The following SKA3 variants were observed in gnomAD, a reference collection of about 807,000 sequenced individuals.
SKA3 encodes the protein spindle and kinetochore associated complex subunit 3.
Under a neutral mutation model 44.2 loss-of-function variants are expected in SKA3, and 39 were observed. That is an observed-to-expected ratio of 0.88 (90% CI 0.68 to 1.15). The LOEUF is 1.15. SKA3 is among the 50% of genes most tolerant of loss of function. The pLI, the probability that SKA3 is intolerant of heterozygous loss-of-function variation, is 0.00. For missense variants in SKA3, 511 were observed against 485.8 expected (o/e 1.05, Z -0.49); for synonymous variants, 192 against 172.0 (o/e 1.12, Z -0.91).
Position 21,157,986 on chromosome 13 carries a change from T to A in SKA3, c.1055A>T (p.Tyr352Phe). Residue 352 changes from tyrosine to phenylalanine, a missense_variant, in exon 7 of 9, where the codon TAT becomes TTT. Coordinates refer to ENST00000314759, the MANE Select transcript of SKA3 (RefSeq NM_145061.6). ...TDPSSPTISS[Y>F]ENLLRTPTPP... Reference sequence around the variant, plus strand: ...TGTAGGTGTTCTGAGCAGATTCTCATAAGAAGAAATCGTAGGTGAAGAGGG... The same window carrying A: ...TGTAGGTGTTCTGAGCAGATTCTCAAAAGAAGAAATCGTAGGTGAAGAGGG... The A allele has an allele frequency of 6.2e-7, 1 of 1,613,384 alleles. No homozygotes were observed. Among genetic ancestry groups the A allele is most frequent in the South Asian group, 1.1e-5 (1 of 91,058 alleles).
In SKA3 at chr13:21,153,808, G is replaced by C. The variant is rs1157890721; in HGVS notation, c.*1342C>G. On this transcript the variant is annotated 3_prime_UTR_variant, in exon 9 of 9. Transcript: ENST00000314759. ...CCTAAGCAGCTCATCCGGTTCTGTG[G>C]ATTTATATACACACGGTACACAGTG... 2 of 152,202 alleles carry C rather than the reference G, an allele frequency of 1.3e-5. No homozygotes were observed. The highest frequency in any genetic ancestry group is 4.8e-5 in the African/African-American group (2 of 41,422). 9.4% of individuals were successfully genotyped at this position (152,202 alleles called of 1,614,324 possible). A position where few individuals can be genotyped will look rare whatever the true frequency, so the allele number is the denominator to read the frequency against.
chr13:21,176,514 G>A lies in SKA3; in HGVS notation c.-37C>T. 7.1e-7 allele frequency: 1 copy of A among 1,407,504 alleles called. No homozygotes were observed. The highest frequency in any genetic ancestry group is 1.4e-5 in the South Asian group (1 of 69,290). 87.2% of individuals were successfully genotyped at this position (1,407,504 alleles called of 1,614,324 possible). A position where few individuals can be genotyped will look rare whatever the true frequency, so the allele number is the denominator to read the frequency against. ...CGGGGAAGGACTCCAGGCGTACGCAGACCCCACCGCTCAGCTCACAGCCTC... is the reference window on the plus strand; with the variant it reads ...CGGGGAAGGACTCCAGGCGTACGCAAACCCCACCGCTCAGCTCACAGCCTC... On this transcript the variant is annotated 5_prime_UTR_variant, in exon 1 of 9. Coordinates refer to ENST00000314759, the MANE Select transcript of SKA3 (RefSeq NM_145061.6).
At position 21,155,016 on chromosome 13, in the gene SKA3, G is replaced by A; in HGVS notation, c.*134C>T. 1 of 1,403,170 alleles carries A rather than the reference G, an allele frequency of 7.1e-7. No individual in the cohort carries two copies. Among genetic ancestry groups the A allele is most frequent in the Non-Finnish European group, 9.9e-7 (1 of 1,011,152 alleles). The allele number at this position is 1,403,170 out of a possible 1,614,324, so 86.9% of individuals were successfully genotyped here. ...ATAAAAAGCATATTATGATGTTAAT[G>A]TTCATGTTTGTCTTTAAAATGGGTC... On this transcript the variant is annotated 3_prime_UTR_variant, in exon 9 of 9. Transcript: ENST00000314759.
chr13:21,170,130 G>A (rs1820765399), intron 3 of SKA3, among the ~76,000 whole-genome samples: 1 of 151,508 alleles, frequency 6.6e-6, no homozygotes, highest in South Asian at 2.1e-4. Context: ...AAAATAATAG[G>A]AGAGCACTTC....
chr13:21,157,420 G>A (rs1308712172), intron 7 of SKA3, among the ~76,000 whole-genome samples: 4 of 152,176 alleles, frequency 2.6e-5, no homozygotes, highest in Non-Finnish European at 4.4e-5. Flanking sequence ...TAACTGTCCT[G>A]AATAGTGCAG....
In SKA3 at chr13:21,159,958, G is replaced by T. The variant is rs1385533563; in HGVS notation, c.859C>A (p.Pro287Thr). Reference protein sequence around the residue: ...DAEYTNSPLVPTFCTPGLKIP... With the variant: ...DAEYTNSPLVTTFCTPGLKIP... ...TTCAAACCAGGAGTACAGAATGTAG[G>T]TACCAAAGGAGAGTTGGTATATTCG... Residue 287 changes from proline (P) to threonine (T), a missense_variant, in exon 6 of 9, where the codon CCT (proline) becomes ACT (threonine). Physicochemically the swap from Pro to Thr is conservative, Grantham distance 38. Coordinates refer to ENST00000314759, the MANE Select transcript of SKA3 (RefSeq NM_145061.6). 1 of 1,607,408 alleles carries T rather than the reference G, an allele frequency of 6.2e-7. No homozygotes were observed. Among genetic ancestry groups the T allele is most frequent in the East Asian group, 2.3e-5 (1 of 44,430 alleles).
At chr13:21,175,282 CT>C (rs1023637210) in intron 1 of SKA3, among the ~76,000 whole-genome samples, 1 of 147,722 alleles carries the variant, frequency 6.8e-6, no homozygotes, top group Non-Finnish European at 1.5e-5. Flanking sequence ...ACGGCCAAAT[CT>C]TTTTTTCTTT....
chr13:21,171,619 A>AT (rs1467575028), intron 3 of SKA3, among the ~76,000 whole-genome samples: 1 of 152,208 alleles, frequency 6.6e-6, no homozygotes, highest in Middle Eastern at 3.4e-3. Context: ...AGGTATGGGC[A>AT]TAACAGTAAC....
intron 1 of SKA3, among the ~76,000 whole-genome samples, chr13:21,175,774 TA>T (rs1170075483): frequency 6.6e-6 from 1 of 152,228 alleles, no homozygotes; most frequent in African/African-American, 2.4e-5. Flanking sequence ...TATATACACA[TA>T]TTTTTTTAAA....
chr13:21,161,604 C>T (rs539804844), intron 5 of SKA3, among the ~76,000 whole-genome samples, 186 bp downstream of exon 5: 50 of 152,242 alleles, frequency 3.3e-4, no homozygotes, highest in African/African-American at 1.2e-3. Flanking sequence ...GTATTAAAAA[C>T]ATACCAGAAA....
In SKA3 at chr13:21,154,824, A is replaced by G; in HGVS notation, c.*326T>C. The G allele has an allele frequency of 2.2e-6, 1 of 453,424 alleles. No homozygotes were observed. Among genetic ancestry groups the G allele is most frequent in the South Asian group, 2.9e-5 (1 of 33,914 alleles). 28.1% of individuals were successfully genotyped at this position (453,424 alleles called of 1,614,324 possible). Reference sequence around the variant, plus strand: ...CAGGGGCGGCCTCATCTGAGTAGCAAACACCTTTATATTTTTGAAATTACT... The same window carrying G: ...CAGGGGCGGCCTCATCTGAGTAGCAGACACCTTTATATTTTTGAAATTACT... On this transcript the variant is annotated 3_prime_UTR_variant, in exon 9 of 9. Transcript: ENST00000314759.
At position 21,176,297 on chromosome 13, in the gene SKA3, G is replaced by A. The variant is rs1296215506; in HGVS notation, c.103+78C>T. ...CGTCAGTGCCTGGCGGTTCCCGTGG[G>A]ACATACCGTCCACTCGCCACGCCCC... On this transcript the variant is annotated intron_variant, in intron 1 of 8. Coordinates refer to ENST00000314759, the MANE Select transcript of SKA3 (RefSeq NM_145061.6). 10 of 1,261,310 alleles carry A rather than the reference G, an allele frequency of 7.9e-6. No homozygotes were observed. In the East Asian group the frequency reaches 2.8e-4, roughly 35 times the overall value. 78.1% of individuals were successfully genotyped at this position (1,261,310 alleles called of 1,614,324 possible).
Position 21,157,906 on chromosome 13 carries a change from AGC to A in SKA3, c.1119+14_1119+15del. ...AATATCAGCAAAAAAAAAAAAAAAT[AGC>A]CTGGAAAAATAACCTGGAGAATATC... On this transcript the variant is annotated intron_variant, in intron 7 of 8. Transcript: ENST00000314759. 1 of 1,450,104 alleles carries A rather than the reference AGC, an allele frequency of 6.9e-7. No homozygotes were observed. The highest frequency in any genetic ancestry group is 2.4e-5 in the East Asian group (1 of 41,418). The allele number at this position is 1,450,104 out of a possible 1,614,324, so 89.8% of individuals were successfully genotyped here.
At position 21,158,054 on chromosome 13, in the gene SKA3, C is replaced by G. The variant is rs17345571; in HGVS notation, c.987G>C (p.Ser329=). 1 of 1,592,764 alleles carries G rather than the reference C, an allele frequency of 6.3e-7. No individual in the cohort carries two copies. The highest frequency in any genetic ancestry group is 2.2e-5 in the East Asian group (1 of 44,658). ...SNDLEVEDRT[S]LVLNSDTCFE... ...AGCATGTGTCTGAATTTAAAACCAA[C>G]GAAGTACGATCTTCAACTTCCAAAT... Residue 329 remains serine (S), a synonymous_variant, in exon 7 of 9, where the codon TCG becomes TCC. Transcript: ENST00000314759.
At chr13:21,162,619 T>G (rs1409434475) in intron 4 of SKA3, among the ~76,000 whole-genome samples, 1 of 152,154 alleles carries the variant, frequency 6.6e-6, no homozygotes, top group East Asian at 1.9e-4. Flanking sequence ...CCACCCACCT[T>G]GACCTCCCAA....
At chr13:21,168,474 A>T in intron 3 of SKA3, 75 bp from the exon 4 acceptor site, 3 of 1,168,636 alleles carry the variant, frequency 2.6e-6, no homozygotes, top group Non-Finnish European at 3.4e-6. Context: ...AACAGAAAAC[A>T]GCTTATCTGA....
intron 3 of SKA3, among the ~76,000 whole-genome samples, chr13:21,171,315 G>A (rs9509577): frequency 0.1 from 15,391 of 152,146 alleles, 958 homozygotes; most frequent in Middle Eastern, 0.21. Flanking sequence ...TGTGGCTCAC[G>A]CCTGTAGTCC....
intron 3 of SKA3, among the ~76,000 whole-genome samples, chr13:21,170,884 GGGT>G (rs200725090): frequency 3.3e-5 from 5 of 151,342 alleles, no homozygotes; most frequent in African/African-American, 9.7e-5. Context: ...TCCACGTGGG[GGGT>G]GGTGGTGGTG....
At chr13:21,170,266 G>T (rs556068980) in intron 3 of SKA3, among the ~76,000 whole-genome samples, 2 of 148,000 alleles carry the variant, frequency 1.4e-5, no homozygotes, top group African/African-American at 2.5e-5. Flanking sequence ...GGCAACCTCC[G>T]TCTCCTGGGT....
Sources: allele counts gnomAD v4.1 joint callset (sites outside exome capture counted in the v4.1 genomes callset), GRCh38; gene constraint gnomAD v4.1.1; transcripts MANE v1.5; gene names NCBI Gene and HGNC (gene_info 2026-07-23, HGNC 2026-07-21).